The following NAA11 variants were observed in gnomAD, a reference collection of about 807,000 sequenced individuals.
The protein encoded by NAA11 is N-alpha-acetyltransferase 11, NatA catalytic subunit.
A neutral mutation model predicts 16.1 loss-of-function variants in NAA11; 15 were observed. The observed-to-expected ratio is 0.93, with a 90% CI of 0.62 to 1.44. The LOEUF (loss-of-function observed/expected upper bound fraction) is 1.44, where lower values mean the gene tolerates loss of function less well. NAA11 is among the 40% of genes most tolerant of loss of function. The probability of loss-of-function intolerance (pLI) is 0.00; values close to 1 mark genes in which losing one functional copy is unlikely to be tolerated. For missense variants in NAA11, 298 were observed against 291.3 expected (o/e 1.02, Z -0.17); for synonymous variants, 122 against 112.4 (o/e 1.09, Z -0.54).
the NAA11 span, among the ~76,000 whole-genome samples, chr4:79,194,274 A>G: frequency 4.6e-5 from 7 of 152,162 alleles, no homozygotes; most frequent in Non-Finnish European, 8.8e-5. Flanking sequence ...AGCCATTTTA[A>G]TGATATTGAT....
chr4:79,257,308 T>A (rs563884308), intron 2 of NAA11, among the ~76,000 whole-genome samples: 1 of 152,356 alleles, frequency 6.6e-6, no homozygotes, highest in Admixed American at 6.5e-5. Flanking sequence ...ATTTTGGTTG[T>A]CTGAAGCATG....
At chr4:79,247,929 G>A (rs1721880047) in intron 2 of NAA11, among the ~76,000 whole-genome samples, 1 of 152,200 alleles carries the variant, frequency 6.6e-6, no homozygotes, top group African/African-American at 2.4e-5. Context: ...AGATCCCAGA[G>A]GATTTGGTGC....
At chr4:79,182,705 G>C in the NAA11 span, among the ~76,000 whole-genome samples, 1 of 152,098 alleles carries the variant, frequency 6.6e-6, no homozygotes, top group South Asian at 2.1e-4. Flanking sequence ...TTTATGCTAG[G>C]AAAGAATAAT....
intron 2 of NAA11, among the ~76,000 whole-genome samples, chr4:79,241,674 G>T (rs1721698709): frequency 6.6e-6 from 1 of 152,190 alleles, no homozygotes; most frequent in Non-Finnish European, 1.5e-5. Flanking sequence ...GGAATAACTA[G>T]TATAGTAGGC....
intron 2 of NAA11, chr4:79,293,893 T>A (rs1723150152): frequency 1.3e-5 from 2 of 152,208 alleles, no homozygotes; most frequent in Non-Finnish European, 2.9e-5. Context: ...TCTGCCCTCC[T>A]GAATGGATTA....
At chr4:79,194,857 A>G in the NAA11 span, among the ~76,000 whole-genome samples, 1 of 152,080 alleles carries the variant, frequency 6.6e-6, no homozygotes, top group Non-Finnish European at 1.5e-5. Context: ...GATGAAAAAA[A>G]CTAAGACATA....
At chr4:79,285,187 C>A (rs899565349) in intron 2 of NAA11, among the ~76,000 whole-genome samples, 1 of 152,158 alleles carries the variant, frequency 6.6e-6, no homozygotes, top group South Asian at 2.1e-4. Flanking sequence ...TTATCAGATG[C>A]CATAAATTGG....
At chr4:79,184,443 A>G in the NAA11 span, among the ~76,000 whole-genome samples, 2 of 152,230 alleles carry the variant, frequency 1.3e-5, no homozygotes, top group Admixed American at 1.3e-4. Flanking sequence ...AATTTTCTCC[A>G]TAAAGAAGTT....
At chr4:79,157,600 TAC>T in the NAA11 span, among the ~76,000 whole-genome samples, 2 of 151,808 alleles carry the variant, frequency 1.3e-5, no homozygotes, top group Non-Finnish European at 2.9e-5. Context: ...TGTGTGTATA[TAC>T]ACACATATAT....
chr4:79,263,552 T>C (rs1217952501), intron 2 of NAA11, among the ~76,000 whole-genome samples: 4 of 152,154 alleles, frequency 2.6e-5, no homozygotes, highest in African/African-American at 7.2e-5. Context: ...AGAGGAAAAC[T>C]AGTTAACAAT....
the NAA11 span, among the ~76,000 whole-genome samples, chr4:79,184,104 A>G: frequency 6.6e-6 from 1 of 152,192 alleles, no homozygotes; most frequent in Non-Finnish European, 1.5e-5. Context: ...AACTATCAAA[A>G]CATATCCAAA....
chr4:79,289,529 C>T (rs1208420561), intron 2 of NAA11, among the ~76,000 whole-genome samples: 1 of 152,032 alleles, frequency 6.6e-6, no homozygotes, highest in Non-Finnish European at 1.5e-5. Context: ...GTTTTTTTAT[C>T]CTCACAAAAT....
At chr4:79,301,050 C>A (rs193252109) in intron 1 of NAA11, among the ~76,000 whole-genome samples, 3 of 152,230 alleles carry the variant, frequency 2.0e-5, no homozygotes, top group Admixed American at 2.0e-4. Flanking sequence ...GCTATGTCAC[C>A]TTAAATGAAT....
chr4:79,219,345 C>T, the NAA11 span, among the ~76,000 whole-genome samples: 1 of 152,108 alleles, frequency 6.6e-6, no homozygotes, highest in Non-Finnish European at 1.5e-5. Context: ...CTATAACTGA[C>T]CTAATTGATA....
chr4:79,296,630 T>A (rs1408957067), intron 1 of NAA11, among the ~76,000 whole-genome samples: 3 of 152,184 alleles, frequency 2.0e-5, no homozygotes, highest in Non-Finnish European at 4.4e-5. Context: ...CTCATTTAAT[T>A]CCCTTGCTCA....
chr4:79,293,226 T>C (rs1468684407), intron 2 of NAA11, among the ~76,000 whole-genome samples: 1 of 152,150 alleles, frequency 6.6e-6, no homozygotes, highest in South Asian at 2.1e-4. Context: ...TGACTGGTCA[T>C]GTCATAGAAA....
At chr4:79,296,948 G>T (rs1022396214) in intron 1 of NAA11, among the ~76,000 whole-genome samples, 5 of 152,208 alleles carry the variant, frequency 3.3e-5, no homozygotes, top group Admixed American at 1.3e-4. Flanking sequence ...AGCAGCTGCT[G>T]TCATCAGGGA....
intron 2 of NAA11, among the ~76,000 whole-genome samples, chr4:79,277,930 A>G (rs1409836201): frequency 6.6e-6 from 1 of 151,960 alleles, no homozygotes; most frequent in East Asian, 1.9e-4. Context: ...TGAAAATTAA[A>G]AAGAAAATTA....
intron 2 of NAA11, among the ~76,000 whole-genome samples, chr4:79,263,238 A>T (rs1485940631): frequency 1.3e-5 from 2 of 152,216 alleles, no homozygotes; most frequent in Non-Finnish European, 2.9e-5. Context: ...CAAGATATGG[A>T]TGACATTTAG....
Sources: allele counts gnomAD v4.1 joint callset (sites outside exome capture counted in the v4.1 genomes callset), GRCh38; gene constraint gnomAD v4.1.1; transcripts MANE v1.5; gene names NCBI Gene and HGNC (gene_info 2026-07-23, HGNC 2026-07-21).